Variants in COL22A1 observed in about 807,000 individuals in gnomAD.
COL22A1 encodes the protein collagen type XXII alpha 1 chain, also known as collagen alpha-1(XXII) chain.
A neutral mutation model predicts 248.9 loss-of-function variants in COL22A1; 221 were observed. That is an observed-to-expected ratio of 0.89 (90% CI 0.80 to 0.99). The LOEUF is 0.99. COL22A1 is among the 50% of genes least tolerant of loss of function. COL22A1 has a pLI of 0.00. For missense variants in COL22A1, 2,240 were observed against 2,179.0 expected, an observed-to-expected ratio of 1.03 and a Z score of -0.56; for synonymous variants, 891 against 793.4, an observed-to-expected ratio of 1.12 and a Z score of -2.07.
chr8:138,821,106 C>T, intron 7 of COL22A1, 30 bp downstream of exon 7: 1 of 1,604,420 alleles, frequency 6.2e-7, no homozygotes, highest in Non-Finnish European at 8.5e-7. Flanking sequence ...GGCCTGGAAC[C>T]TGGGCTGCAG....
chr8:138,617,519 A>G (rs1280628106), intron 53 of COL22A1, among the ~76,000 whole-genome samples: 1 of 152,154 alleles, frequency 6.6e-6, no homozygotes, highest in East Asian at 1.9e-4. Flanking sequence ...AAGCACCACT[A>G]CAGAGTTTCA....
intron 45 of COL22A1, among the ~76,000 whole-genome samples, chr8:138,655,625 T>C (rs1028301884): frequency 6.6e-6 from 1 of 152,172 alleles, no homozygotes; most frequent in Non-Finnish European, 1.5e-5. Flanking sequence ...CCCCACGACA[T>C]GCTGGGATAA....
intron 56 of COL22A1, among the ~76,000 whole-genome samples, chr8:138,610,013 T>C (rs1337151770): frequency 6.6e-6 from 1 of 152,208 alleles, no homozygotes; most frequent in African/African-American, 2.4e-5. Context: ...TCCAGGATGA[T>C]CTTTGTGACA....
At chr8:138,758,248 T>C (rs1359343938) in intron 18 of COL22A1, among the ~76,000 whole-genome samples, 1 of 152,188 alleles carries the variant, frequency 6.6e-6, no homozygotes, top group Non-Finnish European at 1.5e-5. Flanking sequence ...TTGAGATAAC[T>C]ATTAATGTGT....
At chr8:138,751,636 G>A in intron 21 of COL22A1, 125 bp from the exon 22 acceptor site, 1 of 548,800 alleles carries the variant, frequency 1.8e-6, no homozygotes, top group Non-Finnish European at 3.1e-6. Context: ...ATTCTGATGG[G>A]GAAATTCGGA....
At chr8:138,873,348 G>A (rs1171659178) in intron 3 of COL22A1, among the ~76,000 whole-genome samples, 2 of 152,072 alleles carry the variant, frequency 1.3e-5, no homozygotes, top group African/African-American at 4.8e-5. Flanking sequence ...CTTTGGCGGG[G>A]GTGGGGTGGG....
intron 5 of COL22A1, among the ~76,000 whole-genome samples, chr8:138,830,324 G>A (rs969005423): frequency 8.5e-5 from 13 of 152,144 alleles, no homozygotes; most frequent in African/African-American, 1.9e-4. Flanking sequence ...GATAAGGTGC[G>A]TCAATGCCCT....
Position 138,716,142 on chromosome 8 carries a change from C to G in COL22A1, c.2463+85G>C, listed in dbSNP as rs763870133. On this transcript the variant is annotated intron_variant, in intron 29 of 64. Transcript: ENST00000303045. ...CACCCAGTCAAAATTATGACTGTCCCGAGGGACTGAGACTCCACAGGGGGC... is the reference window on the plus strand; with the variant it reads ...CACCCAGTCAAAATTATGACTGTCCGGAGGGACTGAGACTCCACAGGGGGC... The G allele has an allele frequency of 8.6e-6, 9 of 1,049,102 alleles. No homozygotes were observed. In the South Asian group the frequency reaches 1.2e-4, roughly 14 times the overall value. The allele number at this position is 1,049,102 out of a possible 1,614,324, so 65.0% of individuals were successfully genotyped here. A position where few individuals can be genotyped will look rare whatever the true frequency, so the allele number is the denominator to read the frequency against.
intron 55 of COL22A1, 131 bp from the exon 56 acceptor site, chr8:138,614,051 T>C: frequency 1.4e-6 from 1 of 732,350 alleles, no homozygotes; most frequent in Non-Finnish European, 2.4e-6. Context: ...GCATGTTTCA[T>C]CATTAATTGT....
chr8:138,709,481 T>C (rs1828766281), intron 30 of COL22A1, among the ~76,000 whole-genome samples: 1 of 152,032 alleles, frequency 6.6e-6, no homozygotes, highest in African/African-American at 2.4e-5. Flanking sequence ...GTTCATGTCC[T>C]TTGTAGGGAC....
chr8:138,638,439 A>G (rs1821383291), intron 47 of COL22A1, among the ~76,000 whole-genome samples: 1 of 152,070 alleles, frequency 6.6e-6, no homozygotes, highest in Admixed American at 6.6e-5. Flanking sequence ...AGGGTCCTTC[A>G]GGGGGTCCAG....
intron 23 of COL22A1, among the ~76,000 whole-genome samples, chr8:138,737,285 A>AC (rs911426530): frequency 1.3e-5 from 2 of 150,862 alleles, no homozygotes; most frequent in Admixed American, 6.6e-5. Context: ...CACTTTTATC[A>AC]CCCCCATCTG....
At chr8:138,807,899 CT>C in intron 9 of COL22A1, 87 bp from the exon 10 acceptor site, 1 of 1,376,966 alleles carries the variant, frequency 7.3e-7, no homozygotes, top group Non-Finnish European at 1.0e-6. Flanking sequence ...CCCCCACATG[CT>C]TAGAAGCCAA....
chr8:138,749,999 G>A (rs1399897952), intron 22 of COL22A1, among the ~76,000 whole-genome samples: 1 of 152,192 alleles, frequency 6.6e-6, no homozygotes, highest in Admixed American at 6.5e-5. Flanking sequence ...AATTATGGGG[G>A]AAGGTCTTTC....
At chr8:138,671,981 G>GTAGGCTATTAGTTAAATACTGGGA (rs1825073052) in intron 41 of COL22A1, among the ~76,000 whole-genome samples, 1 of 152,162 alleles carries the variant, frequency 6.6e-6, no homozygotes, top group Non-Finnish European at 1.5e-5. Flanking sequence ...CCAGTCTACA[G>GTAGGCTATTAGTTAAATACTGGGA]TAGGCTATTA....
At chr8:138,714,728 G>A (rs924193097) in intron 30 of COL22A1, among the ~76,000 whole-genome samples, 20 of 152,124 alleles carry the variant, frequency 1.3e-4, no homozygotes, top group Non-Finnish European at 1.9e-4. Flanking sequence ...CAATGCCAAC[G>A]AAGCCTCTCT....
chr8:138,605,465 G>T (rs1818350060), intron 58 of COL22A1, among the ~76,000 whole-genome samples: 1 of 152,150 alleles, frequency 6.6e-6, no homozygotes, highest in Admixed American at 6.5e-5. Flanking sequence ...TTGGCCTTTA[G>T]CAAGGGAGTG....
rs115981203 is a variant in COL22A1, at chr8:138,720,676, C to T, written c.2355+63G>A. On this transcript the variant is annotated intron_variant, in intron 27 of 64. Transcript: ENST00000303045. Reference sequence around the variant, plus strand: ...TGCTTATGGTAAGTCGAGATTCACACACCACCCCAAATAGACCACTCAGAA... The same window carrying T: ...TGCTTATGGTAAGTCGAGATTCACATACCACCCCAAATAGACCACTCAGAA... 6.8e-4 allele frequency: 909 copies of T among 1,336,964 alleles called. 5 individuals carry two copies. The African/African-American group carries it at 0.012, about 17-fold the overall frequency. 82.8% of individuals were successfully genotyped at this position (1,336,964 alleles called of 1,614,324 possible). A position where few individuals can be genotyped will look rare whatever the true frequency, so the allele number is the denominator to read the frequency against.
At chr8:138,689,484 G>C (rs533080834) in intron 36 of COL22A1, among the ~76,000 whole-genome samples, 1 of 152,278 alleles carries the variant, frequency 6.6e-6, no homozygotes, top group Admixed American at 6.5e-5. Context: ...GCAAGGCCAA[G>C]GCAGACGGAT....
Sources: gnomAD v4.1 joint callset for allele counts (sites outside exome capture counted in the v4.1 genomes callset) on GRCh38, gnomAD v4.1.1 for gene constraint, MANE v1.5 for transcripts, NCBI Gene and HGNC (gene_info 2026-07-23, HGNC 2026-07-21) for gene names.